The following PLXNA2 variants were observed in gnomAD, a reference collection of about 807,000 sequenced individuals.
PLXNA2 encodes plexin-A2.
PLXNA2 carries 91 observed loss-of-function variants against 193.5 expected under a neutral mutation model. That is an observed-to-expected ratio of 0.47 (90% confidence interval 0.40 to 0.56). The LOEUF (loss-of-function observed/expected upper bound fraction) is 0.56, where lower values mean the gene tolerates loss of function less well. Among genes scored for constraint, PLXNA2 ranks in the 20% least tolerant of loss-of-function variants. The probability of loss-of-function intolerance (pLI) is 0.00; values close to 1 mark genes in which losing one functional copy is unlikely to be tolerated. For synonymous variants in PLXNA2, 997 were observed against 1,027.3 expected, an observed-to-expected ratio of 0.97 and a Z score of 0.56; for missense variants, 1,995 against 2,503.2, an observed-to-expected ratio of 0.80 and a Z score of 4.33.
intron 3 of PLXNA2, among the ~76,000 whole-genome samples, chr1:208,173,228 A>C (rs1669549416): frequency 6.6e-6 from 1 of 152,196 alleles, no homozygotes. Flanking sequence ...CACAGAAAAC[A>C]TTATGTGTGT....
intron 1 of PLXNA2, among the ~76,000 whole-genome samples, chr1:208,234,931 T>C (rs917980885): frequency 1.3e-5 from 2 of 152,210 alleles, no homozygotes; most frequent in African/African-American, 4.8e-5. Flanking sequence ...GGGTTTCACA[T>C]CCACTATGTG....
chr1:208,240,805 AT>A (rs1187096580), intron 1 of PLXNA2, among the ~76,000 whole-genome samples: 1 of 151,282 alleles, frequency 6.6e-6, no homozygotes, highest in Non-Finnish European at 1.5e-5. Context: ...TTGCCTCTCC[AT>A]TTGCCATGAT....
At chr1:208,191,430 C>T (rs902342952) in intron 3 of PLXNA2, among the ~76,000 whole-genome samples, 3 of 152,136 alleles carry the variant, frequency 2.0e-5, no homozygotes, top group African/African-American at 4.8e-5. Flanking sequence ...ATCCTAAAAT[C>T]GTGGCGCGTA....
At chr1:208,030,445 A>G (rs533855469) in intron 29 of PLXNA2, 2 of 985,596 alleles carry the variant, frequency 2.0e-6, no homozygotes, top group Admixed American at 1.2e-4. Flanking sequence ...GGGGACAGGC[A>G]TGTGCTGTCC....
chr1:208,243,176 G>A (rs1321251783), intron 1 of PLXNA2, among the ~76,000 whole-genome samples: 3 of 152,050 alleles, frequency 2.0e-5, no homozygotes, highest in African/African-American at 4.8e-5. Flanking sequence ...GGCCACCAGG[G>A]ACCCCGGCAC....
intron 26 of PLXNA2, among the ~76,000 whole-genome samples, chr1:208,035,540 C>A (rs143316057): frequency 1.3e-5 from 2 of 152,116 alleles, no homozygotes; most frequent in Non-Finnish European, 2.9e-5. Context: ...AGGAGCCATA[C>A]TGAAGACATT....
intron 27 of PLXNA2, among the ~76,000 whole-genome samples, chr1:208,033,961 G>T (rs746496843): frequency 6.6e-6 from 1 of 152,164 alleles, no homozygotes; most frequent in Non-Finnish European, 1.5e-5. Flanking sequence ...GTGCTGCTGG[G>T]TTCAGTCCTG....
intron 3 of PLXNA2, among the ~76,000 whole-genome samples, chr1:208,149,090 C>T (rs892893426): frequency 9.9e-5 from 15 of 152,178 alleles, no homozygotes; most frequent in African/African-American, 3.4e-4. Context: ...CTCGCTTCTA[C>T]CTCTGTTCAC....
chr1:208,227,741 C>T (rs975224655), intron 1 of PLXNA2, among the ~76,000 whole-genome samples: 1 of 152,162 alleles, frequency 6.6e-6, no homozygotes, highest in African/African-American at 2.4e-5. Context: ...TGGCAGCCGC[C>T]TTTCAGAGCA....
In PLXNA2 at chr1:208,040,566, C is replaced by T. The variant is rs1165855400; in HGVS notation, c.4287-508G>A. 2.0e-5 allele frequency among the ~76,000 whole-genome samples: 3 copies of T among 152,342 alleles called. No homozygotes were observed. The East Asian group carries it at 5.8e-4, about 29-fold the overall frequency. On this transcript the variant is annotated intron_variant, in intron 22 of 31. Coordinates refer to ENST00000367033, the MANE Select transcript of PLXNA2 (RefSeq NM_025179.4). ...GGGTTCAAATCCTGATTCTGCCATA[C>T]GTTGGCTGTGTGACCTTGGGCAAGT...
Position 208,065,937 on chromosome 1 carries a change from G to A in PLXNA2, c.2587-5100C>T, listed in dbSNP as rs1410236130. 2.0e-5 allele frequency among the ~76,000 whole-genome samples: 3 copies of A among 152,156 alleles called. No homozygotes were observed. In the East Asian group the frequency reaches 5.8e-4, roughly 29 times the overall value. Reference sequence around the variant, plus strand: ...CTGGCTATCAGCCATTCTGGGGTAGGTGCAGCATTCCACAATGAACTCAAT... The same window carrying A: ...CTGGCTATCAGCCATTCTGGGGTAGATGCAGCATTCCACAATGAACTCAAT... On this transcript the variant is annotated intron_variant, in intron 12 of 31. Coordinates refer to ENST00000367033, the MANE Select transcript of PLXNA2 (RefSeq NM_025179.4).
chr1:208,186,534 C>T (rs938595095), intron 3 of PLXNA2, among the ~76,000 whole-genome samples: 2 of 152,118 alleles, frequency 1.3e-5, no homozygotes, highest in Admixed American at 1.3e-4. Flanking sequence ...ACAGAGAATG[C>T]CAGCAGGTGT....
chr1:208,145,898 T>C (rs1668588042), intron 3 of PLXNA2, among the ~76,000 whole-genome samples: 1 of 152,182 alleles, frequency 6.6e-6, no homozygotes, highest in Non-Finnish European at 1.5e-5. Flanking sequence ...TAAGCTATCC[T>C]ATTTCATTCA....
intron 4 of PLXNA2, among the ~76,000 whole-genome samples, chr1:208,136,284 A>T (rs1454625992): frequency 6.6e-6 from 1 of 152,200 alleles, no homozygotes; most frequent in African/African-American, 2.4e-5. Context: ...GTGTTTTTAA[A>T]AATATCCCCA....
At chr1:208,237,927 C>G (rs1273157892) in intron 1 of PLXNA2, among the ~76,000 whole-genome samples, 1 of 152,244 alleles carries the variant, frequency 6.6e-6, no homozygotes. Context: ...TGGCACCACA[C>G]AGGTGATCGA....
intron 1 of PLXNA2, among the ~76,000 whole-genome samples, chr1:208,219,397 C>T (rs1211538146): frequency 2.0e-5 from 3 of 152,276 alleles, no homozygotes; most frequent in Admixed American, 2.0e-4. Context: ...GAAGTGACTG[C>T]GGCACCAGGA....
intron 4 of PLXNA2, among the ~76,000 whole-genome samples, chr1:208,129,788 T>C (rs1021435371): frequency 3.9e-5 from 6 of 152,216 alleles, no homozygotes; most frequent in African/African-American, 1.4e-4. Flanking sequence ...TTTCCATATG[T>C]ATGTGTGATA....
intron 3 of PLXNA2, among the ~76,000 whole-genome samples, chr1:208,191,362 T>C (rs72741242): frequency 0.053 from 8,118 of 152,274 alleles, 241 homozygotes; most frequent in Middle Eastern, 0.068. Flanking sequence ...AAAACATTTA[T>C]TGAATGTCTT....
intron 4 of PLXNA2, among the ~76,000 whole-genome samples, chr1:208,112,583 A>G (rs4844643): frequency 6.6e-6 from 1 of 152,214 alleles, no homozygotes; most frequent in South Asian, 2.1e-4. Flanking sequence ...TGGCAGTGCT[A>G]GCATGGAAAA....
Sources: gnomAD v4.1 joint callset for allele counts (sites outside exome capture counted in the v4.1 genomes callset) on GRCh38, gnomAD v4.1.1 for gene constraint, MANE v1.5 for transcripts, NCBI Gene and HGNC (gene_info 2026-07-23, HGNC 2026-07-21) for gene names.